ZDHHC3: variants seen among roughly 807,000 people sequenced by gnomAD.
ZDHHC3 encodes the protein zDHHC palmitoyltransferase 3.
Under a neutral mutation model 30.6 loss-of-function variants are expected in ZDHHC3, and 9 were observed. That is an observed-to-expected ratio of 0.29 (90% confidence interval 0.18 to 0.51). The LOEUF (loss-of-function observed/expected upper bound fraction) is 0.51. Ranked by LOEUF, ZDHHC3 falls within the 20% of genes least tolerant of loss-of-function variation. The pLI, the probability that ZDHHC3 is intolerant of heterozygous loss-of-function variation, is 0.97. For missense variants in ZDHHC3, 246 were observed against 384.2 expected, an observed-to-expected ratio of 0.64 and a Z score of 3.01; for synonymous variants, 136 against 140.2, an observed-to-expected ratio of 0.97 and a Z score of 0.21.
At chr3:44,946,283 A>C (rs1288810930) in intron 2 of ZDHHC3, among the ~76,000 whole-genome samples, 1 of 152,246 alleles carries the variant, frequency 6.6e-6, no homozygotes, top group Non-Finnish European at 1.5e-5. Context: ...TATGCTTGTG[A>C]ATACTTAGCG....
At chr3:44,944,156 T>G (rs1256014882) in intron 3 of ZDHHC3, among the ~76,000 whole-genome samples, 1 of 150,792 alleles carries the variant, frequency 6.6e-6, no homozygotes, top group Non-Finnish European at 1.5e-5. Flanking sequence ...AAAAAAAAAT[T>G]TTTTTTTTTT....
Position 44,919,774 on chromosome 3 carries a change from C to A in ZDHHC3, c.*6915G>T, listed in dbSNP as rs1369351026. The A allele has an allele frequency of 9.2e-6, 6 of 655,024 alleles. No homozygotes were observed. The African/African-American group carries it at 1.2e-4, about 13-fold the overall frequency. 40.6% of individuals were successfully genotyped at this position (655,024 alleles called of 1,614,324 possible). On this transcript the variant is annotated 3_prime_UTR_variant, in exon 7 of 7. Coordinates refer to ENST00000424952, the MANE Select transcript of ZDHHC3 (RefSeq NM_001135179.2). ...TATAAAATGTTTACCTTTGGTGAGA[C>A]TGACTGAAAGGTACATGGGAACTCT... is the stretch of plus-strand genomic sequence containing the variant.
At chr3:44,957,312 C>T (rs1704039446) in intron 2 of ZDHHC3, among the ~76,000 whole-genome samples, 1 of 152,238 alleles carries the variant, frequency 6.6e-6, no homozygotes, top group South Asian at 2.1e-4. Flanking sequence ...GAATTTGCAT[C>T]TGTCTTGCTC....
intron 3 of ZDHHC3, among the ~76,000 whole-genome samples, chr3:44,939,774 A>G (rs1479567839): frequency 1.3e-5 from 2 of 152,220 alleles, no homozygotes; most frequent in African/African-American, 4.8e-5. Flanking sequence ...GGGTTTCCCA[A>G]TGGGCTGAGT....
At chr3:44,943,121 C>T (rs1197088234) in intron 3 of ZDHHC3, among the ~76,000 whole-genome samples, 1 of 152,172 alleles carries the variant, frequency 6.6e-6, no homozygotes, top group African/African-American at 2.4e-5. Flanking sequence ...CTCCTCAGCC[C>T]TCACCCTCAA....
At chr3:44,955,693 C>T (rs933899750) in intron 2 of ZDHHC3, among the ~76,000 whole-genome samples, 7 of 152,134 alleles carry the variant, frequency 4.6e-5, no homozygotes, top group South Asian at 2.1e-4. Context: ...GAACCCCTAA[C>T]TTACCTGCTT....
rs953193121 is a variant in ZDHHC3, at chr3:44,921,985, C to T, written c.*4704G>A. 4.1e-6 allele frequency: 4 copies of T among 985,428 alleles called. No homozygotes were observed. The highest frequency in any genetic ancestry group is 4.8e-6 in the Non-Finnish European group (4 of 829,924). The allele number at this position is 985,428 out of a possible 1,614,324, so 61.0% of individuals were successfully genotyped here. A position where few individuals can be genotyped will look rare whatever the true frequency, so the allele number is the denominator to read the frequency against. ...GCTTCATCGGCTCCTCCTGTGGGCC[C>T]AACAGAGCGGGATCCCTGGGGGCCA... On this transcript the variant is annotated 3_prime_UTR_variant, in exon 7 of 7. Coordinates refer to ENST00000424952, the MANE Select transcript of ZDHHC3 (RefSeq NM_001135179.2).
intron 1 of ZDHHC3, among the ~76,000 whole-genome samples, chr3:44,961,563 G>C (rs769877746): frequency 2.8e-4 from 42 of 152,168 alleles, no homozygotes; most frequent in Non-Finnish European, 5.1e-4. Context: ...ACCTTCTGAA[G>C]CACCAAACAG....
intron 2 of ZDHHC3, among the ~76,000 whole-genome samples, chr3:44,949,477 T>A (rs1703245498): frequency 6.6e-6 from 1 of 152,194 alleles, no homozygotes; most frequent in African/African-American, 2.4e-5. Context: ...CAGGTACTTT[T>A]AATTTTCTTG....
intron 1 of ZDHHC3, among the ~76,000 whole-genome samples, chr3:44,961,764 C>T (rs922364505): frequency 6.6e-6 from 1 of 152,230 alleles, no homozygotes; most frequent in Non-Finnish European, 1.5e-5. Flanking sequence ...TTTCCTACTG[C>T]CATGCAGATT....
At chr3:44,953,578 C>T (rs192165491) in intron 2 of ZDHHC3, among the ~76,000 whole-genome samples, 54 of 152,154 alleles carry the variant, frequency 3.5e-4, no homozygotes, top group African/African-American at 1.3e-3. Flanking sequence ...GATCAAAGCC[C>T]GTGCACACCC....
chr3:44,924,031 A>G lies in ZDHHC3; in HGVS notation c.*2658T>C. The G allele has an allele frequency of 1.0e-6, 1 of 985,468 alleles. No homozygotes were observed. The highest frequency in any genetic ancestry group is 1.2e-6 in the Non-Finnish European group (1 of 829,944). 61.0% of individuals were successfully genotyped at this position (985,468 alleles called of 1,614,324 possible). On this transcript the variant is annotated 3_prime_UTR_variant, in exon 7 of 7. Transcript: ENST00000424952. ...ACAGAAGGAAAGCAAGCTGGGGATC[A>G]CAATCCAACAAGCCACATCTTTATT... is the stretch of plus-strand genomic sequence containing the variant.
intron 3 of ZDHHC3, among the ~76,000 whole-genome samples, chr3:44,935,802 G>A (rs2125834809): frequency 6.6e-6 from 1 of 152,240 alleles, no homozygotes; most frequent in Admixed American, 6.5e-5. Flanking sequence ...GGAGATAACT[G>A]GCCAGCCATA....
chr3:44,925,696 T>C lies in ZDHHC3; in HGVS notation c.*993A>G, dbSNP rs140561585. On this transcript the variant is annotated 3_prime_UTR_variant, in exon 7 of 7. Transcript: ENST00000424952. ...GGTTAAAATATAGATAAGACACAGGTACGTGCACATTTATGGGGGTTAACT... is the reference window on the plus strand; with the variant it reads ...GGTTAAAATATAGATAAGACACAGGCACGTGCACATTTATGGGGGTTAACT... The C allele has an allele frequency of 6.1e-6, 6 of 985,454 alleles. No individual in the cohort carries two copies. In the African/African-American group the frequency reaches 7.0e-5, roughly 11 times the overall value. The allele number at this position is 985,454 out of a possible 1,614,324, so 61.0% of individuals were successfully genotyped here.
intron 3 of ZDHHC3, among the ~76,000 whole-genome samples, chr3:44,943,955 G>A (rs1479311293): frequency 2.6e-5 from 4 of 152,124 alleles, no homozygotes; most frequent in African/African-American, 9.7e-5. Context: ...GCATGACAGA[G>A]TGAGACCCAG....
intron 2 of ZDHHC3, among the ~76,000 whole-genome samples, chr3:44,957,261 T>C (rs895074193): frequency 6.6e-6 from 1 of 152,210 alleles, no homozygotes; most frequent in Non-Finnish European, 1.5e-5. Context: ...ATGTCCTTCC[T>C]ACCTGACCCC....
In ZDHHC3 at chr3:44,923,323, G is replaced by A. The variant is rs529647869; in HGVS notation, c.*3366C>T. ...GATCTCTTGACCTCGTGATCTGCCC[G>A]CCTCGGCCTCCCAAAGTGCTGGGAT... On this transcript the variant is annotated 3_prime_UTR_variant, in exon 7 of 7. Transcript: ENST00000424952. The A allele has an allele frequency of 1.3e-5, 13 of 981,982 alleles. No homozygotes were observed. In the East Asian group the frequency reaches 5.7e-4, roughly 43 times the overall value. The allele number at this position is 981,982 out of a possible 1,614,324, so 60.8% of individuals were successfully genotyped here.
intron 1 of ZDHHC3, among the ~76,000 whole-genome samples, chr3:44,972,708 C>T (rs1197572072): frequency 1.3e-5 from 2 of 152,178 alleles, no homozygotes; most frequent in African/African-American, 4.8e-5. Flanking sequence ...CTCAATTGAG[C>T]ACTTTATTTT....
chr3:44,952,863 G>GT (rs1481159137), intron 2 of ZDHHC3, among the ~76,000 whole-genome samples: 6 of 152,186 alleles, frequency 3.9e-5, no homozygotes, highest in African/African-American at 1.4e-4. Flanking sequence ...ACCACAGCTT[G>GT]TATGTATAGT....
Sources: gnomAD v4.1 joint callset for allele counts (sites outside exome capture counted in the v4.1 genomes callset) on GRCh38, gnomAD v4.1.1 for gene constraint, MANE v1.5 for transcripts, NCBI Gene and HGNC (gene_info 2026-07-23, HGNC 2026-07-21) for gene names.